The following PAH variants were observed in gnomAD, a reference collection of about 807,000 sequenced individuals.
PAH encodes phenylalanine-4-hydroxylase.
PAH carries 64 observed loss-of-function variants against 62.0 expected under a neutral mutation model. That is an observed-to-expected ratio of 1.03 (90% CI 0.84 to 1.27). PAH has a LOEUF of 1.27. PAH is among the 50% of genes most tolerant of loss of function. The pLI is 0.00. For synonymous variants in PAH, 195 were observed against 196.2 expected (o/e 0.99, Z 0.05); for missense variants, 579 against 542.8 (o/e 1.07, Z -0.66).
At chr12:102,914,184 G>A (rs1202061059) in intron 1 of PAH, among the ~76,000 whole-genome samples, 1 of 152,202 alleles carries the variant, frequency 6.6e-6, no homozygotes, top group Non-Finnish European at 1.5e-5. Context: ...ATCAGCAAGA[G>A]TGATTTTAGG....
chr12:102,875,746 T>C (rs1165086496), intron 4 of PAH, among the ~76,000 whole-genome samples: 1 of 152,152 alleles, frequency 6.6e-6, no homozygotes, highest in Admixed American at 6.5e-5. Flanking sequence ...TATCCTCAGT[T>C]TAAATATAAC....
intron 1 of PAH, among the ~76,000 whole-genome samples, chr12:102,931,619 C>T (rs928656311): frequency 1.3e-5 from 2 of 152,204 alleles, no homozygotes; most frequent in Non-Finnish European, 2.9e-5. Flanking sequence ...GCAAGCTCTC[C>T]TTTCATTGCT....
intron 1 of PAH, among the ~76,000 whole-genome samples, chr12:102,948,985 A>G (rs1232480915): frequency 6.6e-6 from 1 of 152,176 alleles, no homozygotes; most frequent in African/African-American, 2.4e-5. Flanking sequence ...GAATGAATCA[A>G]GTTGCAAATG....
rs145444401 is a variant in PAH at position 102,841,385 on chromosome 12, A to G, written c.1200-870T>C. 4.8e-3 allele frequency among the ~76,000 whole-genome samples: 726 copies of G among 152,278 alleles called. 8 individuals are homozygous for G. Among genetic ancestry groups the G allele is most frequent in the African/African-American group, 0.016 (681 of 41,556 alleles). On this transcript the variant is annotated intron_variant, in intron 11 of 12. Coordinates refer to ENST00000553106, the MANE Select transcript of PAH (RefSeq NM_000277.3). Reference sequence around the variant, plus strand: ...CTGAAAATACAATGTTACGGGAGACAGTAGGGACCTCCAAGTTTGGCAAGA... The same window carrying G: ...CTGAAAATACAATGTTACGGGAGACGGTAGGGACCTCCAAGTTTGGCAAGA...
chr12:102,944,289 A>C lies in PAH; in HGVS notation c.-96+6300T>G, dbSNP rs552888398. Among the ~76,000 whole-genome samples the C allele has an allele frequency of 4.6e-5, 7 of 152,242 alleles. No homozygotes were observed. The East Asian group carries it at 1.4e-3, about 29-fold the overall frequency. On this transcript the variant is annotated intron_variant, in intron 1 of 3. Coordinates refer to the PAH transcript ENST00000546844. ...ATGTTCTATAATCTTCTTGTACTTGAACATTGATATTGTTCTTTAGGTTCA... is the reference window on the plus strand; with the variant it reads ...ATGTTCTATAATCTTCTTGTACTTGCACATTGATATTGTTCTTTAGGTTCA...
chr12:102,958,073 C>T (rs1311675369), intron 1 of PAH: 5 of 463,808 alleles, frequency 1.1e-5, no homozygotes, highest in African/African-American at 8.1e-5. Flanking sequence ...TCTAAGAAGT[C>T]TCCCGGGGAT....
chr12:102,839,167 C>T lies in PAH; in HGVS notation c.*8G>A. ...TCACAGCTGACAGACCACATTCTGT[C>T]CATGGCTTTACTTTATTTTCTGGAG... On this transcript the variant is annotated 3_prime_UTR_variant, in exon 13 of 13. Transcript: ENST00000553106. 2 of 1,612,740 alleles carry T rather than the reference C, an allele frequency of 1.2e-6. No individual in the cohort carries two copies. The highest frequency in any genetic ancestry group is 1.7e-6 in the Non-Finnish European group (2 of 1,178,836).
At chr12:102,911,421 C>G (rs1878197958) in intron 2 of PAH, among the ~76,000 whole-genome samples, 1 of 152,112 alleles carries the variant, frequency 6.6e-6, no homozygotes, top group Admixed American at 6.5e-5. Context: ...ACTCAGAATG[C>G]CTGGGTTTAA....
upstream of PAH, among the ~76,000 whole-genome samples, chr12:102,954,691 T>C (rs1284797376): frequency 3.9e-5 from 6 of 152,104 alleles, no homozygotes; most frequent in Non-Finnish European, 8.8e-5. Context: ...GGGATTATAA[T>C]CTAGGTCACA....
intron 4 of PAH, among the ~76,000 whole-genome samples, chr12:102,873,069 A>G (rs1163893860): frequency 6.6e-6 from 1 of 152,168 alleles, no homozygotes; most frequent in Non-Finnish European, 1.5e-5. Flanking sequence ...AGCCCCCTCT[A>G]TTGTAGATCT....
chr12:102,923,125 C>G (rs897191207), intron 1 of PAH, among the ~76,000 whole-genome samples: 11 of 152,150 alleles, frequency 7.2e-5, no homozygotes, highest in Non-Finnish European at 1.3e-4. Flanking sequence ...TTGAGTAAAT[C>G]AAGAGGTCTG....
Position 102,855,140 on chromosome 12 carries a change from C to A in PAH, c.702G>T (p.Leu234=). The A allele has an allele frequency of 6.2e-7, 1 of 1,613,566 alleles. No individual in the cohort carries two copies. Among genetic ancestry groups the A allele is most frequent in the Non-Finnish European group, 8.5e-7 (1 of 1,179,492 alleles). Reference sequence around the variant, plus strand: ...TTGACCCTGATGTGGACTTACTCTGCAGGAACTGAGAAACGTCTTCCAGCT... The same window carrying A: ...TTGACCCTGATGTGGACTTACTCTGAAGGAACTGAGAAACGTCTTCCAGCT... ...IPQLEDVSQF[L]QTCTGFRLRP... Residue 234 remains leucine, a synonymous_variant, in exon 6 of 13, where the codon CTG becomes CTT. Coordinates refer to ENST00000553106, the MANE Select transcript of PAH (RefSeq NM_000277.3).
intron 9 of PAH, 77 bp downstream of exon 9, chr12:102,846,818 G>C (rs1167585287): frequency 8.3e-7 from 1 of 1,208,986 alleles, no homozygotes; most frequent in South Asian, 1.2e-5. Context: ...GCTTCCAGGG[G>C]AGTAGGAAAG....
intron 2 of PAH, among the ~76,000 whole-genome samples, chr12:102,905,264 C>T (rs1057453847): frequency 1.1e-4 from 16 of 152,156 alleles, no homozygotes; most frequent in African/African-American, 1.7e-4. Flanking sequence ...AATTCTTCTA[C>T]GGGCAAATAG....
intron 2 of PAH, among the ~76,000 whole-genome samples, chr12:102,910,007 AT>A (rs1324435553): frequency 2.6e-5 from 4 of 152,278 alleles, no homozygotes; most frequent in African/African-American, 4.8e-5. Flanking sequence ...CTTTTAAAAT[AT>A]TTTTTTAACT....
intron 5 of PAH, among the ~76,000 whole-genome samples, chr12:102,857,773 C>T (rs1251838110): frequency 5.3e-5 from 8 of 152,104 alleles, no homozygotes; most frequent in Admixed American, 1.3e-4. Flanking sequence ...CAAGCAAATG[C>T]TGAGAGATTT....
chr12:102,866,178 GATTC>G (rs1468610223), intron 5 of PAH, among the ~76,000 whole-genome samples: 1 of 151,778 alleles, frequency 6.6e-6, no homozygotes, highest in African/African-American at 2.4e-5. Context: ...AATCTTGAAT[GATTC>G]ATTATTTCAG....
chr12:102,944,038 T>C (rs1198168118), intron 1 of PAH, among the ~76,000 whole-genome samples: 2 of 152,136 alleles, frequency 1.3e-5, no homozygotes, highest in Admixed American at 6.5e-5. Flanking sequence ...AAAATAAAAG[T>C]TGGAAAGAAA....
chr12:102,934,944 T>C (rs1043347226), intron 1 of PAH, among the ~76,000 whole-genome samples: 4 of 151,674 alleles, frequency 2.6e-5, no homozygotes, highest in East Asian at 3.9e-4. Context: ...AGAACTTCAG[T>C]GGTTAAAGTA....
Sources: allele counts gnomAD v4.1 joint callset (sites outside exome capture counted in the v4.1 genomes callset), GRCh38; gene constraint gnomAD v4.1.1; transcripts MANE v1.5; gene names NCBI Gene and HGNC (gene_info 2026-07-23, HGNC 2026-07-21).